Variants in STK11 observed in about 807,000 individuals in gnomAD.
The protein encoded by STK11 is serine/threonine-protein kinase STK11.
STK11 carries 8 observed loss-of-function variants against 47.3 expected under a neutral mutation model. The observed-to-expected ratio is 0.17, with a 90% CI of 0.10 to 0.31. The LOEUF (loss-of-function observed/expected upper bound fraction) is 0.31, where lower values mean the gene tolerates loss of function less well. Among genes scored for constraint, STK11 ranks in the 10% least tolerant of loss-of-function variants. The pLI is 1.00. For synonymous variants in STK11, 330 were observed against 255.8 expected (o/e 1.29, Z -2.77); for missense variants, 475 against 605.0 (o/e 0.79, Z 2.25).
At chr19:1,210,077 C>T (rs1213447149) in intron 1 of STK11, among the ~76,000 whole-genome samples, 1 of 152,144 alleles carries the variant, frequency 6.6e-6, no homozygotes, top group African/African-American at 2.4e-5. Context: ...CACTGTCTGC[C>T]ATCAGGAGCT....
chr19:1,213,843 CA>C (rs762135935), intron 1 of STK11, among the ~76,000 whole-genome samples: 136 of 152,352 alleles, frequency 8.9e-4, no homozygotes, highest in Non-Finnish European at 1.3e-3. Flanking sequence ...CCTGGGTCTC[CA>C]TGTGCCTCCC....
chr19:1,215,099 G>T (rs1189919523), intron 1 of STK11, among the ~76,000 whole-genome samples: 2 of 152,222 alleles, frequency 1.3e-5, no homozygotes, highest in Non-Finnish European at 2.9e-5. Flanking sequence ...GCTGAGCCGG[G>T]CCTCTCGGGC....
chr19:1,216,115 C>T (rs1185749903), intron 1 of STK11, among the ~76,000 whole-genome samples: 1 of 151,710 alleles, frequency 6.6e-6, no homozygotes, highest in Non-Finnish European at 1.5e-5. Flanking sequence ...ATGGAATTTA[C>T]ATACTGTACA....
intron 1 of STK11, among the ~76,000 whole-genome samples, chr19:1,212,667 G>T (rs1020643658): frequency 1.3e-5 from 2 of 151,876 alleles, no homozygotes; most frequent in African/African-American, 4.8e-5. Context: ...AGCCTCCCAA[G>T]TAAGCTGGAA....
At chr19:1,222,335 C>T (rs142828906) in intron 7 of STK11, among the ~76,000 whole-genome samples, 91 of 152,338 alleles carry the variant, frequency 6.0e-4, no homozygotes, top group Non-Finnish European at 1.0e-3. Context: ...CTGGGGCTCC[C>T]AGCAGCAGGG....
intron 8 of STK11, chr19:1,224,229 C>A (rs1479861725): frequency 2.0e-6 from 2 of 985,128 alleles, no homozygotes; most frequent in Non-Finnish European, 2.4e-6. Context: ...CAGGAGGATG[C>A]AGCATGTGGG....
intron 8 of STK11, 116 bp from the exon 9 acceptor site, chr19:1,226,338 C>T (rs1275643228): frequency 2.7e-5 from 41 of 1,501,258 alleles, no homozygotes; most frequent in Non-Finnish European, 3.4e-5. Flanking sequence ...GACCCGGGGG[C>T]GGGCATGGCC....
At position 1,206,880 on chromosome 19, in the gene STK11, G is replaced by A. The variant is rs1395836070; in HGVS notation, c.-34G>A. On this transcript the variant is annotated 5_prime_UTR_variant, in exon 1 of 10. Transcript: ENST00000326873. ...AGGACCGCTCACCCGCGGACTCAGG[G>A]CTGGCGGCGGGACTCCAGGACCCTG... 3.9e-6 allele frequency: 6 copies of A among 1,538,842 alleles called. No individual in the cohort carries two copies. In the South Asian group the frequency reaches 5.9e-5, roughly 15 times the overall value.
Position 1,215,981 on chromosome 19 carries a change from C to T in STK11, c.291-2436C>T, listed in dbSNP as rs572320235. The stretch of plus-strand genomic sequence containing the variant: ...CGAACTCCTGACCTCAGGTGATCCA[C>T]CTCGGCCTCCCATAGTGTCGGGATT... On this transcript the variant is annotated intron_variant, in intron 1 of 9. Coordinates refer to ENST00000326873, the MANE Select transcript of STK11 (RefSeq NM_000455.5). Among the ~76,000 whole-genome samples, 1,507 of 152,168 alleles carry T rather than the reference C, an allele frequency of 9.9e-3. 13 individuals carry two copies. The highest frequency in any genetic ancestry group is 0.015 in the Non-Finnish European group (998 of 67,990).
chr19:1,228,189 C>G lies in STK11; in HGVS notation c.*613C>G, dbSNP rs543187681. ...CGGCCGCCTTTGCGCTCTCGGGTCACCCTGCTTTGGCGGCCCGGCCGGAGG... is the reference window on the plus strand; with the variant it reads ...CGGCCGCCTTTGCGCTCTCGGGTCAGCCTGCTTTGGCGGCCCGGCCGGAGG... On this transcript the variant is annotated 3_prime_UTR_variant, in exon 10 of 10. Transcript: ENST00000326873. The G allele has an allele frequency of 1.9e-6, 2 of 1,038,700 alleles. No homozygotes were observed. The highest frequency in any genetic ancestry group is 2.3e-6 in the Non-Finnish European group (2 of 854,998). 64.3% of individuals were successfully genotyped at this position (1,038,700 alleles called of 1,614,324 possible).
rs587780718 is a variant in STK11 at position 1,219,396 on chromosome 19, A to G, written c.447A>G (p.Pro149=). ...ACAGCGTGCCGGAGAAGCGTTTCCC[A>G]GTGTGCCAGGCCCACGGGTGCGTGC... ...MLDSVPEKRF[P]VCQAHGYFCQ... Residue 149 remains proline (P), a synonymous_variant, in exon 3 of 10, where the codon CCA becomes CCG. Transcript: ENST00000326873. 20 of 1,451,904 alleles carry G rather than the reference A, an allele frequency of 1.4e-5. No individual in the cohort carries two copies. Among genetic ancestry groups the G allele is most frequent in the Non-Finnish European group, 1.7e-5 (19 of 1,086,990 alleles). The allele number at this position is 1,451,904 out of a possible 1,614,324, so 89.9% of individuals were successfully genotyped here.
intron 6 of STK11, 76 bp downstream of exon 6, chr19:1,221,416 A>C (rs1461326671): frequency 6.7e-7 from 1 of 1,484,090 alleles, no homozygotes; most frequent in Non-Finnish European, 9.0e-7. Flanking sequence ...TGGGGGTGTC[A>C]GGTGGGGGGC....
At chr19:1,218,161 CCTAA>C (rs1319828949) in intron 1 of STK11, among the ~76,000 whole-genome samples, 3 of 152,000 alleles carry the variant, frequency 2.0e-5, no homozygotes, top group Non-Finnish European at 2.9e-5. Context: ...AAAAAAGTGT[CCTAA>C]CTGTGTCCTC....
chr19:1,216,579 C>CAA (rs968721946), intron 1 of STK11, among the ~76,000 whole-genome samples: 5 of 117,396 alleles, frequency 4.3e-5, no homozygotes, highest in African/African-American at 9.6e-5. Context: ...ACTCCGTCTC[C>CAA]AAAAAAAAAA....
intron 1 of STK11, among the ~76,000 whole-genome samples, chr19:1,214,678 G>T (rs1323465369): frequency 6.6e-6 from 1 of 152,190 alleles, no homozygotes; most frequent in Non-Finnish European, 1.5e-5. Flanking sequence ...TGAGCTCCTG[G>T]CCTCACTGCC....
rs761164605 is a variant in STK11, at chr19:1,221,296, C to T, written c.818C>T (p.Ala273Val). The T allele has an allele frequency of 2.5e-6, 4 of 1,610,946 alleles. No homozygotes were observed. Among genetic ancestry groups the T allele is most frequent in the East Asian group, 2.2e-5 (1 of 44,836 alleles). Residue 273 changes from alanine to valine, a missense_variant, in exon 6 of 10, where the codon GCC becomes GTC. By Grantham distance (64) the Ala-to-Val change is moderately conservative (BLOSUM62 0). Transcript: ENST00000326873. The stretch of plus-strand genomic sequence containing the variant: ...GAGAACATCGGGAAGGGGAGCTACG[C>T]CATCCCGGGCGACTGTGGCCCCCCG... ...LFENIGKGSY[A>V]IPGDCGPPLS...
rs1029467904 is a variant in STK11, at chr19:1,211,466, G to T, written c.290+4263G>T. ...GGAGCCCACAGTGGGGTTCTGGGGGGGGGGGTGCAGGCAGAAGGCCGCCAT... is the reference window on the plus strand; with the variant it reads ...GGAGCCCACAGTGGGGTTCTGGGGGTGGGGGTGCAGGCAGAAGGCCGCCAT... On this transcript the variant is annotated intron_variant, in intron 1 of 9. Coordinates refer to ENST00000326873, the MANE Select transcript of STK11 (RefSeq NM_000455.5). Among the ~76,000 whole-genome samples, 302 of 152,124 alleles carry T rather than the reference G, an allele frequency of 2.0e-3. 3 individuals are homozygous for T. The highest frequency in any genetic ancestry group is 3.2e-3 in the Non-Finnish European group (219 of 67,958).
At position 1,227,601 on chromosome 19, in the gene STK11, C is replaced by G; in HGVS notation, c.*25C>G. The G allele has an allele frequency of 9.4e-7, 1 of 1,065,000 alleles. No individual in the cohort carries two copies. Among genetic ancestry groups the G allele is most frequent in the South Asian group, 4.5e-5 (1 of 21,992 alleles). The allele number at this position is 1,065,000 out of a possible 1,614,324, so 66.0% of individuals were successfully genotyped here. ...TTCCTTCCACCCTGCAGCCCGTGTC[C>G]AGGAGCCCCGCCAGGTGCCCGCGCC... On this transcript the variant is annotated 3_prime_UTR_variant, in exon 10 of 10. Transcript: ENST00000326873.
At chr19:1,222,282 C>G (rs1460295197) in intron 7 of STK11, among the ~76,000 whole-genome samples, 2 of 152,244 alleles carry the variant, frequency 1.3e-5, no homozygotes, top group African/African-American at 4.8e-5. Context: ...AAGGGCACAG[C>G]TGGTCCCAAA....
Sources: gnomAD v4.1 joint callset for allele counts (sites outside exome capture counted in the v4.1 genomes callset) on GRCh38, gnomAD v4.1.1 for gene constraint, MANE v1.5 for transcripts, NCBI Gene and HGNC (gene_info 2026-07-23, HGNC 2026-07-21) for gene names.